Variants in STPG2 observed in about 807,000 individuals in gnomAD.
STPG2 encodes sperm-tail PG-rich repeat-containing protein 2.
Under a neutral mutation model 54.2 loss-of-function variants are expected in STPG2, and 56 were observed. The observed-to-expected ratio is 1.03, with a 90% CI of 0.83 to 1.29. STPG2 has a LOEUF of 1.29. Ranked by LOEUF, STPG2 falls within the 50% of genes most tolerant of loss-of-function variation. The pLI, the probability that STPG2 is intolerant of heterozygous loss-of-function variation, is 0.00. For missense variants in STPG2, 596 were observed against 544.9 expected, an observed-to-expected ratio of 1.09 and a Z score of -0.93; for synonymous variants, 200 against 181.8, an observed-to-expected ratio of 1.10 and a Z score of -0.81.
intron 4 of STPG2, among the ~76,000 whole-genome samples, chr4:97,469,968 T>C (rs1355741172): frequency 1.3e-5 from 2 of 152,104 alleles, no homozygotes; most frequent in Non-Finnish European, 2.9e-5. Flanking sequence ...GCATGTCTTA[T>C]TTCTAGGAGC....
intron 8 of STPG2, among the ~76,000 whole-genome samples, chr4:97,842,217 T>A (rs146162158): frequency 6.6e-6 from 1 of 151,906 alleles, no homozygotes; most frequent in Non-Finnish European, 1.5e-5. Flanking sequence ...AAACCCCACT[T>A]CTGGTTTGAG....
intron 8 of STPG2, among the ~76,000 whole-genome samples, chr4:97,846,903 C>A (rs920893140): frequency 6.6e-6 from 1 of 152,072 alleles, no homozygotes; most frequent in Non-Finnish European, 1.5e-5. Flanking sequence ...TATCTTATAA[C>A]TTGTTCTAGC....
At chr4:97,623,491 C>A (rs1734065451) in intron 10 of STPG2, among the ~76,000 whole-genome samples, 2 of 151,932 alleles carry the variant, frequency 1.3e-5, no homozygotes, top group South Asian at 4.2e-4. Context: ...GGCCAACAAG[C>A]ATATGAAAAA....
chr4:97,781,507 A>T (rs975488903), intron 9 of STPG2, among the ~76,000 whole-genome samples: 1 of 152,102 alleles, frequency 6.6e-6, no homozygotes, highest in African/African-American at 2.4e-5. Context: ...GAGGTACAAG[A>T]AGGAGCTCAT....
chr4:97,473,376 T>C (rs1180438691), intron 4 of STPG2, among the ~76,000 whole-genome samples: 1 of 152,054 alleles, frequency 6.6e-6, no homozygotes, highest in Non-Finnish European at 1.5e-5. Context: ...GCCTCGAAAA[T>C]GGCCCCCTTG....
chr4:97,792,899 C>T (rs544523707), intron 9 of STPG2, among the ~76,000 whole-genome samples: 82 of 152,200 alleles, frequency 5.4e-4, no homozygotes, highest in African/African-American at 1.6e-3. Flanking sequence ...CGTCTGTAAT[C>T]GCAGCACTTT....
chr4:98,117,439 T>G (rs1448306684), intron 3 of STPG2, among the ~76,000 whole-genome samples: 4 of 152,142 alleles, frequency 2.6e-5, no homozygotes, highest in South Asian at 4.1e-4. Flanking sequence ...TTGTTGAGCT[T>G]CTTCTTTCTG....
intron 7 of STPG2, among the ~76,000 whole-genome samples, chr4:97,967,185 C>CAAAAAAAAAAAAAAAAAAAA (rs58042990): frequency 9.3e-6 from 1 of 107,200 alleles, no homozygotes; most frequent in Non-Finnish European, 1.8e-5. Flanking sequence ...AAATGGTAAG[C>CAAAAAAAAAAAAAAAAAAAA]AAAAAAAAAA....
chr4:98,109,093 A>G, intron 4 of STPG2, 100 bp downstream of exon 4: 2 of 612,550 alleles, frequency 3.3e-6, no homozygotes, highest in Non-Finnish European at 5.3e-6. Context: ...AGTTTTTCAT[A>G]CTAATTTTTC....
intron 4 of STPG2, among the ~76,000 whole-genome samples, chr4:97,551,353 A>G (rs1731962374): frequency 6.6e-6 from 1 of 152,238 alleles, no homozygotes; most frequent in South Asian, 2.1e-4. Context: ...CCAAGAAAAA[A>G]AGAAAATAAG....
At chr4:97,779,519 C>A (rs188685712) in intron 9 of STPG2, among the ~76,000 whole-genome samples, 1 of 152,108 alleles carries the variant, frequency 6.6e-6, no homozygotes, top group Non-Finnish European at 1.5e-5. Flanking sequence ...AGGATATTAT[C>A]CAGGAGAACT....
chr4:97,447,401 C>T (rs1291005540), intron 4 of STPG2, among the ~76,000 whole-genome samples: 2 of 152,180 alleles, frequency 1.3e-5, no homozygotes, highest in Non-Finnish European at 2.9e-5. Flanking sequence ...AGAAAATTGG[C>T]AAAATGTCTC....
intron 10 of STPG2, among the ~76,000 whole-genome samples, chr4:97,684,250 GT>G (rs1165080546): frequency 6.6e-6 from 1 of 151,964 alleles, no homozygotes; most frequent in Non-Finnish European, 1.5e-5. Flanking sequence ...ACATTCTAAA[GT>G]TTGTATAGAA....
chr4:97,635,098 G>A (rs1376197919), intron 10 of STPG2, among the ~76,000 whole-genome samples: 20 of 150,978 alleles, frequency 1.3e-4, no homozygotes, highest in African/African-American at 7.3e-5. Context: ...GAGAAAGGTC[G>A]GGTTACCCTC....
chr4:97,841,078 G>A, intron 8 of STPG2, 146 bp from the exon 9 acceptor site: 6 of 836,964 alleles, frequency 7.2e-6, no homozygotes, highest in South Asian at 5.0e-5. Context: ...AACTTAAAAA[G>A]GAATTCTTAA....
chr4:97,864,606 G>A (rs889398951), intron 8 of STPG2, among the ~76,000 whole-genome samples: 4 of 152,086 alleles, frequency 2.6e-5, no homozygotes, highest in Admixed American at 6.6e-5. Flanking sequence ...AAGTTTATAT[G>A]GAATCAAAAA....
intron 5 of STPG2, among the ~76,000 whole-genome samples, chr4:97,990,013 T>C (rs1734956034): frequency 6.6e-6 from 1 of 152,174 alleles, no homozygotes; most frequent in South Asian, 2.1e-4. Context: ...ATCAAAACAA[T>C]CACCTACTAA....
chr4:97,906,387 C>T (rs935388337), intron 8 of STPG2, among the ~76,000 whole-genome samples: 2 of 152,084 alleles, frequency 1.3e-5, no homozygotes, highest in African/African-American at 4.8e-5. Context: ...GCTTACCAAC[C>T]AAAAAGAGTC....
chr4:98,013,049 C>T (rs940178280), intron 5 of STPG2, among the ~76,000 whole-genome samples: 2 of 152,188 alleles, frequency 1.3e-5, no homozygotes, highest in Non-Finnish European at 2.9e-5. Flanking sequence ...GGGAATGCCT[C>T]CAACTTTTGC....
Sources: gnomAD v4.1 joint callset for allele counts (sites outside exome capture counted in the v4.1 genomes callset) on GRCh38, gnomAD v4.1.1 for gene constraint, MANE v1.5 for transcripts, NCBI Gene and HGNC (gene_info 2026-07-23, HGNC 2026-07-21) for gene names.